C3orf20: variants seen among roughly 807,000 people sequenced by gnomAD.
C3orf20 encodes the protein uncharacterized protein C3orf20.
A neutral mutation model predicts 88.3 loss-of-function variants in C3orf20; 76 were observed. The observed-to-expected ratio is 0.86, with a 90% CI of 0.72 to 1.04. The LOEUF is 1.04. Among genes scored for constraint, C3orf20 ranks in the 50% least tolerant of loss-of-function variants. The pLI is 0.00. For synonymous variants in C3orf20, 436 were observed against 437.4 expected (o/e 1.00, Z 0.04); for missense variants, 1,056 against 1,123.3 (o/e 0.94, Z 0.86).
At chr3:14,723,544 C>A (rs1346248758) in intron 10 of C3orf20, among the ~76,000 whole-genome samples, 1 of 152,220 alleles carries the variant, frequency 6.6e-6, no homozygotes, top group Non-Finnish European at 1.5e-5. Context: ...CACCAATGAT[C>A]ATCTAGCTTC....
Position 14,757,570 on chromosome 3 carries a change from G to A in C3orf20, c.2140G>A (p.Gly714Arg), listed in dbSNP as rs2035413243. The A allele has an allele frequency of 1.9e-6, 3 of 1,614,040 alleles. No homozygotes were observed. The highest frequency in any genetic ancestry group is 2.7e-5 in the African/African-American group (2 of 75,040). The part of the protein sequence containing the change: ...PRDPSQVLVF[G>R]IISSQNYTST... ...AGACCCCAGCCAAGTGCTGGTGTTT[G>A]GGATCATCTCAAGCCAGAACTACAC... The change falls in exon 13 of 17, where the codon GGG (glycine) becomes AGG (arginine). Residue 714 changes from glycine to arginine, a missense_variant. Transcript: ENST00000253697.
chr3:14,682,513 G>A (rs751112658), intron 2 of C3orf20, 65 bp from the exon 3 acceptor site: 4 of 650,478 alleles, frequency 6.1e-6, no homozygotes, highest in East Asian at 2.7e-5. Context: ...GGTAAGGGAC[G>A]GGGGACCTCC....
At chr3:14,764,705 C>CACACTGGCTG (rs2035655201) in intron 15 of C3orf20, among the ~76,000 whole-genome samples, 1 of 152,132 alleles carries the variant, frequency 6.6e-6, no homozygotes, top group Non-Finnish European at 1.5e-5. Flanking sequence ...TCAGCCAGAC[C>CACACTGGCTG]ACTCAAATGT....
chr3:14,728,346 G>A, intron 11 of C3orf20, 93 bp from the exon 12 acceptor site: 1 of 1,518,870 alleles, frequency 6.6e-7, no homozygotes, highest in Non-Finnish European at 9.0e-7. Context: ...ATGGGGGTGA[G>A]CCAAGGTGCA....
At chr3:14,746,477 T>C (rs1374742013) in intron 12 of C3orf20, among the ~76,000 whole-genome samples, 1 of 152,242 alleles carries the variant, frequency 6.6e-6, no homozygotes, top group Non-Finnish European at 1.5e-5. Flanking sequence ...GTCTTGACTG[T>C]AATTTAATTG....
chr3:14,739,386 A>T lies in C3orf20; in HGVS notation c.1940+10698A>T, dbSNP rs552315334. Reference sequence around the variant, plus strand: ...AAAGGAATCTTTTTTCCTGAGCAGTAGTTCTCAACAGTAGACTTAAAATAT... The same window carrying T: ...AAAGGAATCTTTTTTCCTGAGCAGTTGTTCTCAACAGTAGACTTAAAATAT... On this transcript the variant is annotated intron_variant, in intron 12 of 16. Coordinates refer to ENST00000253697, the MANE Select transcript of C3orf20 (RefSeq NM_032137.5). Among the ~76,000 whole-genome samples the T allele has an allele frequency of 5.9e-5, 9 of 152,328 alleles. No individual in the cohort carries two copies. The South Asian group carries it at 1.9e-3, about 32-fold the overall frequency.
Position 14,770,118 on chromosome 3 carries a change from C to T in C3orf20, c.2496-1949C>T, listed in dbSNP as rs912475989. Among the ~76,000 whole-genome samples, 11 of 152,292 alleles carry T rather than the reference C, an allele frequency of 7.2e-5. No homozygotes were observed. In the East Asian group the frequency reaches 1.5e-3, roughly 21 times the overall value. On this transcript the variant is annotated intron_variant, in intron 15 of 16. Transcript: ENST00000253697. ...CCTACCCTGCGTCTCCTGCCCTCCACCCTGCCCCCTGAGAATGGCAGGGAC... is the reference window on the plus strand; with the variant it reads ...CCTACCCTGCGTCTCCTGCCCTCCATCCTGCCCCCTGAGAATGGCAGGGAC...
At position 14,741,525 on chromosome 3, in the gene C3orf20, A is replaced by G. The variant is rs140582840; in HGVS notation, c.1940+12837A>G. Among the ~76,000 whole-genome samples the G allele has an allele frequency of 1.8e-3, 278 of 152,264 alleles. 2 individuals carry two copies. The highest frequency in any genetic ancestry group is 0.014 in the Admixed American group (219 of 15,298). ...GCACTTAGACTTACTTTAAATATACACTGTGTTGAACTTTCTGTGTTTTCT... is the reference window on the plus strand; with the variant it reads ...GCACTTAGACTTACTTTAAATATACGCTGTGTTGAACTTTCTGTGTTTTCT... On this transcript the variant is annotated intron_variant, in intron 12 of 16. Transcript: ENST00000253697.
chr3:14,683,066 C>T lies in C3orf20; in HGVS notation c.353C>T (p.Thr118Ile). 6.2e-7 allele frequency: 1 copy of T among 1,611,562 alleles called. No individual in the cohort carries two copies. Among genetic ancestry groups the T allele is most frequent in the South Asian group, 1.1e-5 (1 of 90,714 alleles). ...LATTGAAKRS[T>I]LSPTMARQVR... ...ACCACTGGGGCAGCCAAGCGCTCCA[C>T]CCTCTCTCCCACCATGGCCCGTCAG... Residue 118 changes from threonine (T) to isoleucine (I), a missense_variant, in exon 3 of 17, where the codon ACC (threonine) becomes ATC (isoleucine). Coordinates refer to ENST00000253697, the MANE Select transcript of C3orf20 (RefSeq NM_032137.5).
At chr3:14,733,033 T>G (rs926524303) in intron 12 of C3orf20, among the ~76,000 whole-genome samples, 1 of 152,224 alleles carries the variant, frequency 6.6e-6, no homozygotes, top group Non-Finnish European at 1.5e-5. Flanking sequence ...GGTGAATTAC[T>G]TTGATTTCAA....
chr3:14,755,493 T>A (rs1266859835), intron 12 of C3orf20, among the ~76,000 whole-genome samples: 1 of 152,270 alleles, frequency 6.6e-6, no homozygotes, highest in East Asian at 1.9e-4. Flanking sequence ...ATAGATCCAG[T>A]CTCCCCCACC....
At chr3:14,727,968 G>A (rs1256644275) in intron 11 of C3orf20, among the ~76,000 whole-genome samples, 1 of 152,130 alleles carries the variant, frequency 6.6e-6, no homozygotes, top group Admixed American at 6.5e-5. Flanking sequence ...AGAGATGAGA[G>A]GTCCCTGGCC....
At chr3:14,700,297 CA>C (rs948627338) in intron 5 of C3orf20, among the ~76,000 whole-genome samples, 1 of 152,094 alleles carries the variant, frequency 6.6e-6, no homozygotes, top group Non-Finnish European at 1.5e-5. Flanking sequence ...ATGGGGAGAA[CA>C]ATCAGTAGAG....
intron 12 of C3orf20, among the ~76,000 whole-genome samples, chr3:14,754,441 G>A (rs938097678): frequency 5.3e-5 from 8 of 152,240 alleles, no homozygotes; most frequent in Non-Finnish European, 4.4e-5. Context: ...TCATTCCATG[G>A]ATGCTACTGA....
At chr3:14,769,869 C>T (rs1354045465) in intron 15 of C3orf20, among the ~76,000 whole-genome samples, 2 of 152,100 alleles carry the variant, frequency 1.3e-5, no homozygotes, top group African/African-American at 2.4e-5. Flanking sequence ...GCTGTGAACT[C>T]AGGGCCTTCT....
chr3:14,683,337 C>A, intron 3 of C3orf20, 140 bp downstream of exon 3: 1 of 1,077,068 alleles, frequency 9.3e-7, no homozygotes, highest in Non-Finnish European at 1.3e-6. Context: ...TGGAATCATC[C>A]TCTCACTCCT....
intron 10 of C3orf20, among the ~76,000 whole-genome samples, chr3:14,723,777 G>GTTTTATTTTATTTTATTTTA (rs201184448): frequency 7.0e-6 from 1 of 142,686 alleles, no homozygotes; most frequent in African/African-American, 2.6e-5. Flanking sequence ...AAGGCCATTG[G>GTTTTATTTTATTTTATTTTA]TTTTATTTTA....
At chr3:14,732,636 G>A (rs1054907727) in intron 12 of C3orf20, among the ~76,000 whole-genome samples, 3 of 152,206 alleles carry the variant, frequency 2.0e-5, no homozygotes, top group African/African-American at 4.8e-5. Context: ...CACGACTAGG[G>A]AGGGGGTGCT....
chr3:14,756,262 T>C (rs1393229164), intron 12 of C3orf20, among the ~76,000 whole-genome samples: 1 of 151,700 alleles, frequency 6.6e-6, no homozygotes, highest in Non-Finnish European at 1.5e-5. Context: ...TGGATGGCGC[T>C]TATTCCCGTG....
Sources: gnomAD v4.1 joint callset for allele counts (sites outside exome capture counted in the v4.1 genomes callset) on GRCh38, gnomAD v4.1.1 for gene constraint, MANE v1.5 for transcripts, NCBI Gene and HGNC (gene_info 2026-07-23, HGNC 2026-07-21) for gene names.